AGBL2: variants seen among roughly 807,000 people sequenced by gnomAD.
AGBL2 encodes AGBL carboxypeptidase 2.
In AGBL2, 87 loss-of-function variants were observed where a neutral mutation model predicts 103.0. That is an observed-to-expected ratio of 0.84 (90% confidence interval 0.71 to 1.01). The LOEUF (loss-of-function observed/expected upper bound fraction) is 1.01. AGBL2 is among the 50% of genes least tolerant of loss of function. The pLI, the probability that AGBL2 is intolerant of heterozygous loss-of-function variation, is 0.00. For missense variants in AGBL2, 904 were observed against 1,023.5 expected (o/e 0.88, Z 1.59); for synonymous variants, 335 against 356.7 (o/e 0.94, Z 0.69).
At chr11:47,670,308 T>C (rs2097353593) in intron 14 of AGBL2, among the ~76,000 whole-genome samples, 1 of 152,138 alleles carries the variant, frequency 6.6e-6, no homozygotes, top group Non-Finnish European at 1.5e-5. Flanking sequence ...AGTACGTCGC[T>C]GTATCTACAA....
intron 14 of AGBL2, among the ~76,000 whole-genome samples, chr11:47,670,708 G>C (rs1435951353): frequency 7.6e-6 from 1 of 131,512 alleles, no homozygotes; most frequent in Admixed American, 7.9e-5. Flanking sequence ...AAAAAAAAAA[G>C]GGTGGCTGGG....
In AGBL2 at chr11:47,690,798, C is replaced by G; in HGVS notation, c.909G>C (p.Gln303His). 2 of 1,613,934 alleles carry G rather than the reference C, an allele frequency of 1.2e-6. No homozygotes were observed. The highest frequency in any genetic ancestry group is 1.7e-6 in the Non-Finnish European group (2 of 1,180,008). ...TGTTCTGAACACGAAAATAAAACCACTGAGTGTGTTTGTTAGTGTAGAGGT... is the reference window on the plus strand; with the variant it reads ...TGTTCTGAACACGAAAATAAAACCAGTGAGTGTGTTTGTTAGTGTAGAGGT... ...RTDLYTNKHT[Q>H]WFYFRVQNTR... The change falls in exon 10 of 19, where the codon CAG (glutamine) becomes CAC (histidine). Residue 303 changes from glutamine to histidine, a missense_variant. By Grantham distance (24) the Gln-to-His change is conservative (BLOSUM62 0). Transcript: ENST00000525123.
In AGBL2 at chr11:47,710,465, C is replaced by A; in HGVS notation, c.144G>T (p.Arg48=). Residue 48 remains arginine, a synonymous_variant, in exon 4 of 19, where the codon CGG becomes CGT. Coordinates refer to ENST00000525123, the MANE Select transcript of AGBL2 (RefSeq NM_024783.4). ...LPNSATHQHV[R]KNNPQCLLNG... is the part of the protein sequence containing the mutation. ...TCAACAGGCATTGAGGGTTATTCTT[C>A]CGAACATGCTGATGCGTAGCAGAGT... The A allele has an allele frequency of 1.2e-6, 2 of 1,614,166 alleles. No homozygotes were observed. Among genetic ancestry groups the A allele is most frequent in the Non-Finnish European group, 1.7e-6 (2 of 1,180,030 alleles).
At chr11:47,710,798 AG>A (rs1260359338) in intron 3 of AGBL2, 1 of 501,934 alleles carries the variant, frequency 2.0e-6, no homozygotes. Flanking sequence ...TGAAGCTACA[AG>A]GGCTGTGTTG....
rs141431736 is a variant in AGBL2 at position 47,667,693 on chromosome 11, T to C, written c.2218A>G (p.Thr740Ala). 5 of 1,610,188 alleles carry C rather than the reference T, an allele frequency of 3.1e-6. No homozygotes were observed. Among genetic ancestry groups the C allele is most frequent in the Non-Finnish European group, 4.2e-6 (5 of 1,179,488 alleles). The change falls in exon 16 of 19, where the codon ACT (threonine) becomes GCT (alanine). Residue 740 changes from threonine to alanine, a missense_variant. Transcript: ENST00000525123. ...VHLANIADELTQKKKMFKKKK... is the reference protein window; with the variant it reads ...VHLANIADELAQKKKMFKKKK... ...TTCTTAAACATCTTCTTTTTCTGAG[T>C]CAGCTATTCCAGAAAGTAGAGAAAC...
In AGBL2 at chr11:47,667,048, C is replaced by A. The variant is rs971916062; in HGVS notation, c.2356G>T (p.Ala786Ser). The A allele has an allele frequency of 1.9e-6, 3 of 1,603,654 alleles. No individual in the cohort carries two copies. Among genetic ancestry groups the A allele is most frequent in the Non-Finnish European group, 2.6e-6 (3 of 1,176,010 alleles). The change falls in exon 17 of 19, where the codon GCT becomes TCT. Residue 786 changes from alanine (A) to serine (S), a missense_variant. Coordinates refer to ENST00000525123, the MANE Select transcript of AGBL2 (RefSeq NM_024783.4). ...TEDTSEKAGF[A>S]STLQKQPTFF... ...GTTGGCTGCTTTTGCAGAGTAGAAG[C>A]AAATCCTGCCTTTTCCTAGGATTGA... is the stretch of plus-strand genomic sequence containing the variant.
chr11:47,708,343 C>T (rs148699316), intron 4 of AGBL2, among the ~76,000 whole-genome samples: 2,148 of 150,924 alleles, frequency 0.014, 28 homozygotes, highest in South Asian at 0.058. Context: ...GCTGGGATTA[C>T]AGGCATGAGC....
intron 4 of AGBL2, among the ~76,000 whole-genome samples, chr11:47,709,975 C>T (rs1275817625): frequency 6.6e-6 from 1 of 152,004 alleles, no homozygotes; most frequent in Non-Finnish European, 1.5e-5. Flanking sequence ...TTGCAACCTC[C>T]GCCTCCTGGG....
At chr11:47,672,731 G>T (rs2097361323) in intron 14 of AGBL2, among the ~76,000 whole-genome samples, 1 of 152,120 alleles carries the variant, frequency 6.6e-6, no homozygotes, top group African/African-American at 2.4e-5. Context: ...CACACTACCT[G>T]GTCTGATGGC....
At chr11:47,696,348 C>T (rs1408501429) in intron 8 of AGBL2, among the ~76,000 whole-genome samples, 2 of 151,900 alleles carry the variant, frequency 1.3e-5, no homozygotes, top group Admixed American at 6.6e-5. Flanking sequence ...CTGCAACCTC[C>T]ACCTCCCTGG....
chr11:47,680,794 AC>A (rs1348458041), intron 12 of AGBL2, among the ~76,000 whole-genome samples: 1 of 151,708 alleles, frequency 6.6e-6, no homozygotes, highest in Non-Finnish European at 1.5e-5. Context: ...CTGAAACAAA[AC>A]AAAACAAAAC....
At chr11:47,668,693 A>G (rs2097348379) in intron 15 of AGBL2, 148 bp downstream of exon 15, 5 of 574,998 alleles carry the variant, frequency 8.7e-6, no homozygotes, top group Middle Eastern at 3.2e-4. Flanking sequence ...GGACAAAACA[A>G]GAGACTTTAG....
At chr11:47,661,066 G>C (rs2097326639) in intron 18 of AGBL2, among the ~76,000 whole-genome samples, 1 of 152,024 alleles carries the variant, frequency 6.6e-6, no homozygotes, top group African/African-American at 2.4e-5. Context: ...GAAAATATGA[G>C]GTGGGATAAT....
intron 13 of AGBL2, among the ~76,000 whole-genome samples, chr11:47,678,209 G>A (rs966629273): frequency 3.3e-5 from 5 of 151,690 alleles, no homozygotes; most frequent in African/African-American, 4.8e-5. Flanking sequence ...TGATCTGCCC[G>A]CCTTGGCCTC....
Position 47,678,343 on chromosome 11 carries a change from A to ATTATTTTTTTTT in AGBL2, c.2017-943_2017-942insAAAAAAAAATAA, listed in dbSNP as rs2097385523. Among the ~76,000 whole-genome samples, 40 of 116,762 alleles carry ATTATTTTTTTTT rather than the reference A, an allele frequency of 3.4e-4. 2 individuals are homozygous for ATTATTTTTTTTT. The highest frequency in any genetic ancestry group is 1.2e-3 in the East Asian group (4 of 3,394). 76.6% of individuals were successfully genotyped at this position (116,762 alleles called of 152,430 possible). ...TTATTTTATTTTATTTTATTATTTT[A>ATTATTTTTTTTT]TTTTTTTTGAGACGGAGTCTTGCTC... On this transcript the variant is annotated intron_variant, in intron 13 of 18. Coordinates refer to ENST00000525123, the MANE Select transcript of AGBL2 (RefSeq NM_024783.4).
chr11:47,667,073 A>G lies in AGBL2; in HGVS notation c.2341-10T>C. 2.6e-6 allele frequency: 4 copies of G among 1,546,958 alleles called. No individual in the cohort carries two copies. The highest frequency in any genetic ancestry group is 3.5e-6 in the Non-Finnish European group (4 of 1,139,702). On this transcript the variant is annotated splice_polypyrimidine_tract_variant and intron_variant, in intron 16 of 18. Transcript: ENST00000525123. ...CAAATCCTGCCTTTTCCTAGGATTG[A>G]GTGAAAAGAGAATCTTTTTCAATTG...
Position 47,660,407 on chromosome 11 carries a change from G to C in AGBL2, c.2536-61C>G. ...TTATTTTGCCATTTCCAAATATGTA[G>C]TTAGGGTTGGGGTTGGCTTTACAAG... On this transcript the variant is annotated intron_variant, in intron 18 of 18. Transcript: ENST00000525123. 4.6e-6 allele frequency: 7 copies of C among 1,520,604 alleles called. No individual in the cohort carries two copies. In the South Asian group the frequency reaches 8.7e-5, roughly 19 times the overall value. 94.2% of individuals were successfully genotyped at this position (1,520,604 alleles called of 1,614,324 possible).
rs2097515087 is a variant in AGBL2 at position 47,705,598 on chromosome 11, C to A, written c.323G>T (p.Gly108Val). ...HSCLGWMQWRGLSSLQPPPPR... is the reference protein window; with the variant it reads ...HSCLGWMQWRVLSSLQPPPPR... ...AGGTGGAGGTTGCAGTGAGCTGAGG[C>A]CGCGCCACTGCATCCAGCCCAGGCA... is the stretch of plus-strand genomic sequence containing the variant. The change falls in exon 6 of 19, where the codon GGC (glycine) becomes GTC (valine). Residue 108 changes from glycine (G) to valine (V), a missense_variant. Transcript: ENST00000525123. 4.0e-6 allele frequency: 2 copies of A among 505,178 alleles called. No homozygotes were observed. The highest frequency in any genetic ancestry group is 3.2e-5 in the Admixed American group (1 of 31,236). 31.3% of individuals were successfully genotyped at this position (505,178 alleles called of 1,614,324 possible).
In AGBL2 at chr11:47,677,353, G is replaced by A. The variant is rs1458601126; in HGVS notation, c.2065C>T (p.His689Tyr). ...ELKELLRQEI[H>Y]KKFHELGQDV... ...TGTCCAAGTTCATGGAATTTCTTGT[G>A]GATTTCCTGTCGTAAAAGCTCCTTA... The change falls in exon 14 of 19, where the codon CAC becomes TAC. Residue 689 changes from histidine to tyrosine, a missense_variant. Transcript: ENST00000525123. 2 of 1,610,746 alleles carry A rather than the reference G, an allele frequency of 1.2e-6. No individual in the cohort carries two copies. The highest frequency in any genetic ancestry group is 4.5e-5 in the East Asian group (2 of 44,684).
Sources: gnomAD v4.1 joint callset for allele counts (sites outside exome capture counted in the v4.1 genomes callset) on GRCh38, gnomAD v4.1.1 for gene constraint, MANE v1.5 for transcripts, NCBI Gene and HGNC (gene_info 2026-07-23, HGNC 2026-07-21) for gene names.